ROBO2: variants seen among roughly 807,000 people sequenced by gnomAD.
ROBO2 encodes the protein roundabout guidance receptor 2.
In ROBO2, 53 loss-of-function variants were observed where a neutral mutation model predicts 160.8. That is an observed-to-expected ratio of 0.33 (90% CI 0.26 to 0.41). The LOEUF (loss-of-function observed/expected upper bound fraction) is 0.41. Among genes scored for constraint, ROBO2 ranks in the 10% least tolerant of loss-of-function variants. The pLI, the probability that ROBO2 is intolerant of heterozygous loss-of-function variation, is 1.00. For synonymous variants in ROBO2, 664 were observed against 611.7 expected, an observed-to-expected ratio of 1.09 and a Z score of -1.26; for missense variants, 1,577 against 1,722.4, an observed-to-expected ratio of 0.92 and a Z score of 1.49.
intron 2 of ROBO2, among the ~76,000 whole-genome samples, chr3:77,288,320 T>G (rs899139295): frequency 8.5e-5 from 13 of 152,172 alleles, no homozygotes; most frequent in African/African-American, 2.9e-4. Context: ...AACATTAAAC[T>G]GACAAACACT....
intron 2 of ROBO2, among the ~76,000 whole-genome samples, chr3:76,110,390 G>A (rs1311165673): frequency 3.9e-5 from 6 of 152,044 alleles, no homozygotes; most frequent in African/African-American, 1.4e-4. Flanking sequence ...AGGATAGGAA[G>A]CCATGCATTC....
intron 1 of ROBO2, among the ~76,000 whole-genome samples, chr3:77,049,552 T>C (rs1363506998): frequency 2.0e-5 from 3 of 152,204 alleles, no homozygotes; most frequent in Non-Finnish European, 4.4e-5. Flanking sequence ...TAGGCTTTCC[T>C]TATCAATAAA....
chr3:76,387,508 C>T (rs1482976487), intron 2 of ROBO2, among the ~76,000 whole-genome samples: 1 of 151,982 alleles, frequency 6.6e-6, no homozygotes, highest in Non-Finnish European at 1.5e-5. Flanking sequence ...ATCTCAATTA[C>T]CTAAAATTAT....
At chr3:76,410,089 G>A (rs1033313406) in intron 2 of ROBO2, among the ~76,000 whole-genome samples, 5 of 152,068 alleles carry the variant, frequency 3.3e-5, no homozygotes, top group African/African-American at 1.2e-4. Context: ...CATAATCTCA[G>A]TGTATTTTTT....
chr3:77,077,332 T>C (rs1040100634), intron 1 of ROBO2, among the ~76,000 whole-genome samples: 2 of 152,244 alleles, frequency 1.3e-5, no homozygotes, highest in Non-Finnish European at 2.9e-5. Context: ...GATATTATTA[T>C]AGTATCATTG....
rs373006682 is a variant in ROBO2, at chr3:76,817,253, C to A, written c.110-280761C>A. On this transcript the variant is annotated intron_variant, in intron 2 of 26. Transcript: ENST00000487694. ...TAATAATTTGGAGCTATTTCCAACA[C>A]TTGGAGTCTTTGTGCACATAAACAA... 2.6e-5 allele frequency among the ~76,000 whole-genome samples: 4 copies of A among 152,152 alleles called. No homozygotes were observed. In the South Asian group the frequency reaches 6.2e-4, roughly 24 times the overall value.
At chr3:77,392,181 A>G (rs960245003) in intron 2 of ROBO2, among the ~76,000 whole-genome samples, 1 of 152,200 alleles carries the variant, frequency 6.6e-6, no homozygotes, top group Admixed American at 6.5e-5. Context: ...TGTGGATTGT[A>G]AACATGAGGT....
At chr3:76,682,928 A>T (rs1237564794) in intron 2 of ROBO2, among the ~76,000 whole-genome samples, 1 of 152,144 alleles carries the variant, frequency 6.6e-6, no homozygotes, top group African/African-American at 2.4e-5. Context: ...AAAGGGCTAG[A>T]TTGAGGGTCT....
chr3:76,182,325 A>G (rs941395405), intron 2 of ROBO2, among the ~76,000 whole-genome samples: 11 of 152,158 alleles, frequency 7.2e-5, no homozygotes, highest in African/African-American at 2.7e-4. Flanking sequence ...ATGATCCAGA[A>G]ACTGGAAATA....
intron 2 of ROBO2, among the ~76,000 whole-genome samples, chr3:77,034,053 A>C (rs2063480682): frequency 1.3e-5 from 2 of 151,162 alleles, no homozygotes; most frequent in Admixed American, 1.3e-4. Context: ...TATAATGAAA[A>C]AGCCAAAATT....
At chr3:76,845,239 T>A (rs2068667154) in intron 2 of ROBO2, among the ~76,000 whole-genome samples, 1 of 152,038 alleles carries the variant, frequency 6.6e-6, no homozygotes, top group South Asian at 2.1e-4. Context: ...ACAAAAAAAA[T>A]TCAGATGCAA....
intron 2 of ROBO2, among the ~76,000 whole-genome samples, chr3:77,402,164 C>T (rs1560733616): frequency 6.8e-6 from 1 of 147,638 alleles, no homozygotes; most frequent in Non-Finnish European, 1.5e-5. Context: ...TTATTCTCAG[C>T]AAACTAACAC....
chr3:76,008,388 C>A (rs2066092332), intron 2 of ROBO2, among the ~76,000 whole-genome samples: 1 of 151,956 alleles, frequency 6.6e-6, no homozygotes, highest in Non-Finnish European at 1.5e-5. Flanking sequence ...TGGATGATGT[C>A]TTATGGTAAA....
At chr3:76,166,737 C>T (rs1387837125) in intron 2 of ROBO2, among the ~76,000 whole-genome samples, 2 of 152,060 alleles carry the variant, frequency 1.3e-5, no homozygotes, top group Non-Finnish European at 2.9e-5. Flanking sequence ...TCAAGGATGA[C>T]ATTCATTTTT....
chr3:76,247,796 A>G (rs1705710380), intron 2 of ROBO2, among the ~76,000 whole-genome samples: 2 of 152,198 alleles, frequency 1.3e-5, no homozygotes, highest in Non-Finnish European at 2.9e-5. Context: ...ACAAATTTAC[A>G]AGAAAAAAAC....
chr3:76,893,530 C>A (rs1314165082), intron 2 of ROBO2, among the ~76,000 whole-genome samples: 1 of 150,982 alleles, frequency 6.6e-6, no homozygotes, highest in African/African-American at 2.4e-5. Context: ...TTTCTTTTTT[C>A]TTTTTTATTG....
At chr3:76,811,735 G>A (rs975283515) in intron 2 of ROBO2, among the ~76,000 whole-genome samples, 2 of 151,840 alleles carry the variant, frequency 1.3e-5, no homozygotes, top group Admixed American at 6.6e-5. Context: ...TCTCCAGACT[G>A]CTTGTCTGGC....
intron 2 of ROBO2, among the ~76,000 whole-genome samples, chr3:77,307,977 G>A (rs1345422123): frequency 1.3e-5 from 2 of 151,900 alleles, no homozygotes; most frequent in East Asian, 3.9e-4. Context: ...AAAAAAAGTA[G>A]GAGTAGGGAT....
rs1201232932 is a variant in ROBO2 at position 77,184,390 on chromosome 3, A to ACATTATGAT, written c.388+86051_388+86059dup. ...AGTGGACTTTGCCATTAATAACTTT[A>ACATTATGAT]CATTATGATAAAGGGAATATTATAT... On this transcript the variant is annotated intron_variant, in intron 2 of 25. Transcript: ENST00000461745. Among the ~76,000 whole-genome samples, 71 of 152,148 alleles carry ACATTATGAT rather than the reference A, an allele frequency of 4.7e-4. 1 individual carries two copies. Among genetic ancestry groups the ACATTATGAT allele is most frequent in the African/African-American group, 1.6e-3 (67 of 41,566 alleles).
Sources: allele counts gnomAD v4.1 joint callset (sites outside exome capture counted in the v4.1 genomes callset), GRCh38; gene constraint gnomAD v4.1.1; transcripts MANE v1.5; gene names NCBI Gene and HGNC (gene_info 2026-07-23, HGNC 2026-07-21).